E2F6: variants seen among roughly 807,000 people sequenced by gnomAD.
E2F6 encodes transcription factor E2F6.
E2F6 carries 19 observed loss-of-function variants against 31.5 expected under a neutral mutation model. The observed-to-expected ratio is 0.60, with a 90% CI of 0.42 to 0.89. The LOEUF (loss-of-function observed/expected upper bound fraction) is 0.89, where lower values mean the gene tolerates loss of function less well. Among genes scored for constraint, E2F6 ranks in the 40% least tolerant of loss-of-function variants. The pLI, the probability that E2F6 is intolerant of heterozygous loss-of-function variation, is 0.00. For synonymous variants in E2F6, 121 were observed against 127.7 expected (o/e 0.95, Z 0.36); for missense variants, 269 against 341.6 (o/e 0.79, Z 1.67).
At position 11,447,619 on chromosome 2, in the gene E2F6, A is replaced by C. The variant is rs775635341; in HGVS notation, c.799+8T>G. 6.2e-7 allele frequency: 1 copy of C among 1,611,418 alleles called. No homozygotes were observed. Among genetic ancestry groups the C allele is most frequent in the Non-Finnish European group, 8.5e-7 (1 of 1,179,658 alleles). ...TTAAAATACTGTCAGAATCACTGGT[A>C]TATTTACCTTCCTCAGGGCCTTCTG... On this transcript the variant is annotated splice_region_variant and intron_variant, in intron 6 of 6. Transcript: ENST00000381525.
intron 2 of E2F6, among the ~76,000 whole-genome samples, chr2:11,456,821 C>T (rs528267545): frequency 6.6e-6 from 1 of 152,148 alleles, no homozygotes; most frequent in Non-Finnish European, 1.5e-5. Flanking sequence ...GGCGGTCTAT[C>T]ATGGAAACTT....
At position 11,457,236 on chromosome 2, in the gene E2F6, GA is replaced by G. The variant is rs779142142; in HGVS notation, c.109-4del. 3.0e-5 allele frequency: 45 copies of G among 1,513,286 alleles called. No homozygotes were observed. Among genetic ancestry groups the G allele is most frequent in the Middle Eastern group, 1.9e-4 (1 of 5,282 alleles). The allele number at this position is 1,513,286 out of a possible 1,614,324, so 93.7% of individuals were successfully genotyped here. On this transcript the variant is annotated splice_region_variant and splice_polypyrimidine_tract_variant and intron_variant, in intron 1 of 6. Transcript: ENST00000381525. Reference sequence around the variant, plus strand: ...AAATTAATCCTTATTTTTGATGGCTGAAAAAAAAGATAAAAAATTTAACTTA... The same window carrying G: ...AAATTAATCCTTATTTTTGATGGCTGAAAAAAAGATAAAAAATTTAACTTA...
In E2F6 at chr2:11,466,053, G is replaced by A. The variant is rs906533843; in HGVS notation, c.-174C>T. On this transcript the variant is annotated 5_prime_UTR_variant, in exon 1 of 7. Coordinates refer to ENST00000381525, the MANE Select transcript of E2F6 (RefSeq NM_198256.4). ...GGCCGTCCCGCCCGCCAGTAAACGC[G>A]GCACGGCCTCACGTGCCCGGGAGCT... 6 of 556,282 alleles carry A rather than the reference G, an allele frequency of 1.1e-5. No homozygotes were observed. The South Asian group carries it at 1.2e-4, about 11-fold the overall frequency. The allele number at this position is 556,282 out of a possible 1,614,324, so 34.5% of individuals were successfully genotyped here.
Position 11,453,799 on chromosome 2 carries a change from C to T in E2F6, c.164-1G>A, listed in dbSNP as rs1362571604. On this transcript the variant is annotated splice_acceptor_variant, in intron 2 of 6. Coordinates refer to ENST00000381525, the MANE Select transcript of E2F6 (RefSeq NM_198256.4). LOFTEE classifies it high-confidence loss of function. ...CGAGGTCTCTTCACTTTTAGAGCTTCTGGGAAACAAAATAAACATATTTGT... is the reference window on the plus strand; with the variant it reads ...CGAGGTCTCTTCACTTTTAGAGCTTTTGGGAAACAAAATAAACATATTTGT... The T allele has an allele frequency of 1.2e-6, 2 of 1,607,992 alleles. No homozygotes were observed. Among genetic ancestry groups the T allele is most frequent in the African/African-American group, 1.3e-5 (1 of 74,556 alleles).
At chr2:11,462,497 AT>A (rs1380903620) in intron 1 of E2F6, among the ~76,000 whole-genome samples, 3 of 151,976 alleles carry the variant, frequency 2.0e-5, no homozygotes, top group Non-Finnish European at 4.4e-5. Flanking sequence ...TCAGAATAAG[AT>A]TTTTTTTCTT....
intron 1 of E2F6, among the ~76,000 whole-genome samples, chr2:11,459,426 G>A (rs1193465828): frequency 6.6e-6 from 1 of 152,140 alleles, no homozygotes; most frequent in Non-Finnish European, 1.5e-5. Flanking sequence ...TATCAATGCA[G>A]TTCCATTACA....
At chr2:11,458,165 A>G in intron 1 of E2F6, 4 of 1,025,240 alleles carry the variant, frequency 3.9e-6, no homozygotes, top group Non-Finnish European at 6.0e-6. Context: ...CATCAGGTTT[A>G]GCTCTTATCT....
chr2:11,451,910 T>C, intron 3 of E2F6, 104 bp from the exon 4 acceptor site: 4 of 1,117,306 alleles, frequency 3.6e-6, no homozygotes, highest in Non-Finnish European at 5.2e-6. Flanking sequence ...ATAAGTGTTT[T>C]CCACAACAAT....
At chr2:11,461,731 G>A (rs1197532714) in intron 1 of E2F6, among the ~76,000 whole-genome samples, 3 of 152,294 alleles carry the variant, frequency 2.0e-5, no homozygotes, top group Middle Eastern at 3.4e-3. Context: ...TCAGCCCCAT[G>A]GCTACAGGAT....
At chr2:11,461,203 C>CTCA (rs1357982174) in intron 1 of E2F6, among the ~76,000 whole-genome samples, 1 of 152,192 alleles carries the variant, frequency 6.6e-6, no homozygotes, top group Non-Finnish European at 1.5e-5. Flanking sequence ...GCAAACAAGA[C>CTCA]TCATCAGAAT....
rs896921349 is a variant in E2F6 at position 11,451,876 on chromosome 2, T to C, written c.381-70A>G. Reference sequence around the variant, plus strand: ...AACAAAGTAATTTCAAGTTAGGTTATTGGAACTTCTCCAAATGTTTGCCAT... The same window carrying C: ...AACAAAGTAATTTCAAGTTAGGTTACTGGAACTTCTCCAAATGTTTGCCAT... On this transcript the variant is annotated intron_variant, in intron 3 of 6. Transcript: ENST00000381525. The C allele has an allele frequency of 1.8e-5, 25 of 1,426,696 alleles. No individual in the cohort carries two copies. The Admixed American group carries it at 2.0e-4, about 11-fold the overall frequency. The allele number at this position is 1,426,696 out of a possible 1,614,324, so 88.4% of individuals were successfully genotyped here.
At position 11,465,778 on chromosome 2, in the gene E2F6, GC is replaced by G. The variant is rs1558467210; in HGVS notation, c.101del (p.Gly34AlafsTer7). On this transcript the variant is annotated frameshift_variant, in exon 1 of 7. Coordinates refer to ENST00000381525, the MANE Select transcript of E2F6 (RefSeq NM_198256.4). LOFTEE classifies it high-confidence loss of function. ...RRCRDPINVE[G>X]LLPSKIRINL... is the part of the protein sequence containing the mutation. Reference sequence around the variant, plus strand: ...GTCCCGTCCCGGAGCTTACCAGCAGGCCCTCCACGTTGATGGGGTCTCGGCA... The same window carrying G: ...GTCCCGTCCCGGAGCTTACCAGCAGGCCTCCACGTTGATGGGGTCTCGGCA... 1 of 1,594,590 alleles carries G rather than the reference GC, an allele frequency of 6.3e-7. No individual in the cohort carries two copies. Among genetic ancestry groups the G allele is most frequent in the Non-Finnish European group, 8.5e-7 (1 of 1,171,490 alleles).
At chr2:11,463,754 C>G in intron 1 of E2F6, among the ~76,000 whole-genome samples, 1 of 152,074 alleles carries the variant, frequency 6.6e-6, no homozygotes, top group East Asian at 1.9e-4. Context: ...GAGTTCAAGA[C>G]CAGCCTGGGC....
At chr2:11,459,325 A>G (rs1335902447) in intron 1 of E2F6, among the ~76,000 whole-genome samples, 3 of 152,132 alleles carry the variant, frequency 2.0e-5, no homozygotes, top group African/African-American at 7.2e-5. Context: ...TACCCATCTC[A>G]TCTAGACAGT....
At position 11,446,475 on chromosome 2, in the gene E2F6, C is replaced by T. The variant is rs754945668; in HGVS notation, c.*2G>A. ...CAGTGATACATAAATTCTCAAATGC[C>T]ATCAGTTGCTTACTTCAAGCAATTC... On this transcript the variant is annotated 3_prime_UTR_variant, in exon 7 of 7. Transcript: ENST00000381525. The T allele has an allele frequency of 3.5e-5, 56 of 1,608,160 alleles. No individual in the cohort carries two copies. Among genetic ancestry groups the T allele is most frequent in the Non-Finnish European group, 4.3e-5 (50 of 1,176,404 alleles).
Position 11,453,739 on chromosome 2 carries a change from AT to A in E2F6, c.222del (p.Lys74AsnfsTer16). 2 of 1,614,174 alleles carry A rather than the reference AT, an allele frequency of 1.2e-6. No homozygotes were observed. Among genetic ancestry groups the A allele is most frequent in the Non-Finnish European group, 1.7e-6 (2 of 1,180,028 alleles). ...FDVSLVYLTR[K>X]FMDLVRSAPG... ...GGAGCAGATCTGACAAGATCCATAA[AT>A]TTTCGAGTTAAATAAACCAGCGATA... On this transcript the variant is annotated frameshift_variant, in exon 3 of 7. Transcript: ENST00000381525. LOFTEE classifies it high-confidence loss of function.
intron 1 of E2F6, among the ~76,000 whole-genome samples, chr2:11,465,495 G>A (rs753159439): frequency 6.6e-6 from 1 of 152,216 alleles, no homozygotes; most frequent in Non-Finnish European, 1.5e-5. Flanking sequence ...GTCCATAGAA[G>A]GAGATAAACA....
Position 11,444,897 on chromosome 2 carries a change from T to A in E2F6, c.*1580A>T, listed in dbSNP as rs1670628602. On this transcript the variant is annotated 3_prime_UTR_variant, in exon 7 of 7. Transcript: ENST00000381525. ...GTACGACCCACCAGTCCAGTGATGA[T>A]CAGCAGTGCCCCCTGCAGCTTTTCT... 1 of 152,250 alleles carries A rather than the reference T, an allele frequency of 6.6e-6. No individual in the cohort carries two copies. Among genetic ancestry groups the A allele is most frequent in the Non-Finnish European group, 1.5e-5 (1 of 68,064 alleles). The allele number at this position is 152,250 out of a possible 1,614,324, so 9.4% of individuals were successfully genotyped here.
intron 1 of E2F6, among the ~76,000 whole-genome samples, chr2:11,461,179 C>T (rs1312029471): frequency 6.6e-6 from 1 of 152,118 alleles, no homozygotes; most frequent in Non-Finnish European, 1.5e-5. Flanking sequence ...GGTGGAAATG[C>T]TACTGCCCCT....
Sources: gnomAD v4.1 joint callset for allele counts (sites outside exome capture counted in the v4.1 genomes callset) on GRCh38, gnomAD v4.1.1 for gene constraint, MANE v1.5 for transcripts, NCBI Gene and HGNC (gene_info 2026-07-23, HGNC 2026-07-21) for gene names.